ARFGEF3: variants seen among roughly 807,000 people sequenced by gnomAD.
ARFGEF3 encodes ARFGEF family member 3, also known as brefeldin A-inhibited guanine nucleotide-exchange protein 3.
ARFGEF3 carries 96 observed loss-of-function variants against 221.7 expected under a neutral mutation model. The ratio of observed to expected loss-of-function variants is 0.43; its 90% CI spans 0.37 to 0.51. The LOEUF (loss-of-function observed/expected upper bound fraction) is 0.51, where lower values mean the gene tolerates loss of function less well. ARFGEF3 is among the 20% of genes least tolerant of loss of function. ARFGEF3 has a pLI of 0.00. For synonymous variants in ARFGEF3, 1,145 were observed against 1,126.8 expected (o/e 1.02, Z -0.32); for missense variants, 2,410 against 2,789.9 (o/e 0.86, Z 3.07).
At chr6:138,272,428 A>C (rs1779020831) in intron 12 of ARFGEF3, among the ~76,000 whole-genome samples, 1 of 152,224 alleles carries the variant, frequency 6.6e-6, no homozygotes. Flanking sequence ...AAGTGCTGGG[A>C]TTACAGGCAT....
chr6:138,248,571 C>T (rs1281342468), intron 8 of ARFGEF3, among the ~76,000 whole-genome samples: 3 of 152,164 alleles, frequency 2.0e-5, no homozygotes, highest in Non-Finnish European at 4.4e-5. Context: ...GGGAGAGGCT[C>T]ATGGTAGTTA....
intron 26 of ARFGEF3, among the ~76,000 whole-genome samples, chr6:138,314,977 A>T (rs1040303180): frequency 1.3e-5 from 2 of 152,248 alleles, no homozygotes; most frequent in Admixed American, 6.5e-5. Context: ...CCTCTGTCTA[A>T]AACTACTGCA....
intron 32 of ARFGEF3, 145 bp downstream of exon 32, chr6:138,328,287 G>A (rs1029630560): frequency 1.9e-6 from 2 of 1,052,858 alleles, no homozygotes; most frequent in African/African-American, 3.2e-5. Context: ...CATAAAAACT[G>A]TTAGCCTTGT....
intron 29 of ARFGEF3, among the ~76,000 whole-genome samples, chr6:138,321,456 A>G (rs192514204): frequency 6.6e-6 from 1 of 152,338 alleles, no homozygotes; most frequent in Non-Finnish European, 1.5e-5. Flanking sequence ...TCAAAGACAT[A>G]CAGAAGGCAA....
chr6:138,334,468 C>A lies in ARFGEF3; in HGVS notation c.5622C>A (p.Gly1874=). Residue 1874 remains glycine, a synonymous_variant, in exon 33 of 34, where the codon GGC becomes GGA. Coordinates refer to ENST00000251691, the MANE Select transcript of ARFGEF3 (RefSeq NM_020340.5). This position sits in a 1 kb window ranked among gnomAD's most constrained non-coding sequence, Gnocchi z 5.1. Reference sequence around the variant, plus strand: ...CCGCCCAGGTCAGCCCCCCGAGAGGCAAGGAGAAGAGACAGTGGCGGGCAC... The same window carrying A: ...CCGCCCAGGTCAGCCCCCCGAGAGGAAAGGAGAAGAGACAGTGGCGGGCAC... ...EETAQVSPPR[G]KEKRQWRARM... The A allele has an allele frequency of 2.5e-6, 4 of 1,612,326 alleles. No homozygotes were observed. Among genetic ancestry groups the A allele is most frequent in the Non-Finnish European group, 3.4e-6 (4 of 1,179,404 alleles).
Position 138,245,560 on chromosome 6 carries a change from G to A in ARFGEF3, c.634G>A (p.Val212Ile), listed in dbSNP as rs780941172. 46 of 1,609,810 alleles carry A rather than the reference G, an allele frequency of 2.9e-5. No individual in the cohort carries two copies. The East Asian group carries it at 3.4e-4, about 12-fold the overall frequency. Reference sequence around the variant, plus strand: ...TGATGATGTTGTCTCTGTACTCACCGTCCTGTGTGAGAAGCTGCAAGCCGC... The same window carrying A: ...TGATGATGTTGTCTCTGTACTCACCATCCTGTGTGAGAAGCTGCAAGCCGC... Reference protein sequence around the residue: ...LCDDVVSVLTVLCEKLQAAIN... With the variant: ...LCDDVVSVLTILCEKLQAAIN... Residue 212 changes from valine to isoleucine, a missense_variant, in exon 8 of 34, where the codon GTC becomes ATC. By Grantham distance (29) the Val-to-Ile change is conservative. This residue lies in a region of ARFGEF3 where 570 missense variants were observed against 586.9 expected (regional missense o/e 0.97). Coordinates refer to ENST00000251691, the MANE Select transcript of ARFGEF3 (RefSeq NM_020340.5).
chr6:138,216,591 G>T (rs1017423429), intron 4 of ARFGEF3: 1 of 152,158 alleles, frequency 6.6e-6, no homozygotes, highest in African/African-American at 2.4e-5. Flanking sequence ...TTCTTAACTC[G>T]GGGCATTTGG....
rs565668607 is a variant in ARFGEF3, at chr6:138,195,651, A to G, written c.138-11391A>G. 9.2e-5 allele frequency among the ~76,000 whole-genome samples: 14 copies of G among 152,380 alleles called. No individual in the cohort carries two copies. In the South Asian group the frequency reaches 2.7e-3, roughly 29 times the overall value. ...TGATTTGTTTAACCTCAGTTACATT[A>G]TACATAAAGATACAGTAAACATCTT... On this transcript the variant is annotated intron_variant, in intron 2 of 33. Transcript: ENST00000251691.
intron 9 of ARFGEF3, 74 bp from the exon 10 acceptor site, chr6:138,255,362 A>G (rs1224234738): frequency 1.9e-6 from 2 of 1,078,994 alleles, no homozygotes; most frequent in East Asian, 4.8e-5. Flanking sequence ...TTTCTATGGC[A>G]TCTGTTTACT....
At chr6:138,205,922 G>T (rs1024838587) in intron 2 of ARFGEF3, among the ~76,000 whole-genome samples, 2 of 152,242 alleles carry the variant, frequency 1.3e-5, no homozygotes, top group African/African-American at 2.4e-5. Context: ...AAAAGCAGCA[G>T]AGCTGCAGAG....
chr6:138,193,287 A>G (rs1777345710), intron 2 of ARFGEF3, among the ~76,000 whole-genome samples: 1 of 152,214 alleles, frequency 6.6e-6, no homozygotes, highest in Non-Finnish European at 1.5e-5. Context: ...CCTAATGAGT[A>G]TCACCTTTTT....
intron 25 of ARFGEF3, among the ~76,000 whole-genome samples, chr6:138,313,459 T>C (rs1450423525): frequency 2.6e-5 from 4 of 152,236 alleles, no homozygotes; most frequent in African/African-American, 9.6e-5. Context: ...AGAACACTTA[T>C]TCGCTTAGGC....
chr6:138,208,824 CT>C (rs1777668394), intron 3 of ARFGEF3, among the ~76,000 whole-genome samples: 1 of 152,198 alleles, frequency 6.6e-6, no homozygotes, highest in African/African-American at 2.4e-5. Context: ...CAAGTGAAAC[CT>C]TATCTGGTTT....
intron 20 of ARFGEF3, 146 bp downstream of exon 20, chr6:138,294,272 C>G (rs1779467734): frequency 3.4e-6 from 3 of 887,116 alleles, no homozygotes; most frequent in Non-Finnish European, 5.0e-6. Context: ...AGATTTGTCT[C>G]CAGATTTTGA....
intron 8 of ARFGEF3, among the ~76,000 whole-genome samples, chr6:138,250,767 G>A (rs1020839230): frequency 3.3e-5 from 5 of 152,212 alleles, no homozygotes; most frequent in African/African-American, 1.2e-4. Flanking sequence ...AGCAGAGAAT[G>A]AGACCAGCAG....
intron 14 of ARFGEF3, among the ~76,000 whole-genome samples, chr6:138,282,697 T>C (rs1267215334): frequency 6.6e-6 from 1 of 152,186 alleles, no homozygotes; most frequent in Non-Finnish European, 1.5e-5. Flanking sequence ...TCAGGATCAC[T>C]GGAGAGGTGA....
chr6:138,170,377 C>G (rs548014242), intron 1 of ARFGEF3, among the ~76,000 whole-genome samples: 1 of 152,258 alleles, frequency 6.6e-6, no homozygotes, highest in South Asian at 2.1e-4. Context: ...TAACTAGATT[C>G]AGTGGTTCAG....
intron 33 of ARFGEF3, 81 bp from the exon 34 acceptor site, chr6:138,336,214 C>A (rs1780318378): frequency 1.8e-6 from 2 of 1,113,618 alleles, no homozygotes; most frequent in East Asian, 5.5e-5. Flanking sequence ...AAAACCATTT[C>A]CACATTGGCA....
chr6:138,266,078 T>C (rs1347958669), intron 12 of ARFGEF3, among the ~76,000 whole-genome samples: 1 of 151,976 alleles, frequency 6.6e-6, no homozygotes, highest in Admixed American at 6.6e-5. Context: ...TAGCCAAGCA[T>C]GGTAGTGCAC....
Sources: gnomAD v4.1 joint callset for allele counts (sites outside exome capture counted in the v4.1 genomes callset) on GRCh38, gnomAD v4.1.1 for gene constraint, gnomAD v4.1.1 regional missense constraint, Gnocchi (gnomAD v3.1) non-coding constraint, MANE v1.5 for transcripts, NCBI Gene and HGNC (gene_info 2026-07-23, HGNC 2026-07-21) for gene names.